The following CPXM2 variants were observed in gnomAD, a reference collection of about 807,000 sequenced individuals.
CPXM2 encodes inactive carboxypeptidase-like protein X2.
CPXM2 carries 66 observed loss-of-function variants against 86.1 expected under a neutral mutation model. The observed-to-expected ratio is 0.77, with a 90% CI of 0.63 to 0.94. The LOEUF is 0.94. CPXM2 is among the 40% of genes least tolerant of loss of function. The pLI is 0.00. For missense variants in CPXM2, 948 were observed against 1,026.3 expected (o/e 0.92, Z 1.04); for synonymous variants, 388 against 400.2 (o/e 0.97, Z 0.36).
intron 2 of CPXM2, among the ~76,000 whole-genome samples, chr10:123,920,824 A>G (rs1285081617): frequency 3.3e-5 from 5 of 152,188 alleles, no homozygotes; most frequent in Non-Finnish European, 7.3e-5. Flanking sequence ...GGTTCCTTAT[A>G]AAAGGATGAG....
chr10:123,938,834 CT>C (rs2134293918), intron 2 of CPXM2, among the ~76,000 whole-genome samples: 1 of 151,804 alleles, frequency 6.6e-6, no homozygotes, highest in East Asian at 1.9e-4. Flanking sequence ...GGAGGCAACA[CT>C]TATCTGGAAA....
At chr10:123,927,904 T>C (rs1564824457) in intron 2 of CPXM2, among the ~76,000 whole-genome samples, 1 of 152,214 alleles carries the variant, frequency 6.6e-6, no homozygotes, top group Non-Finnish European at 1.5e-5. Context: ...AACCCCCCAG[T>C]GTTGGGGGTA....
intron 13 of CPXM2, chr10:123,752,711 T>G (rs1270689351): frequency 1.9e-5 from 13 of 695,654 alleles, no homozygotes; most frequent in Non-Finnish European, 2.3e-5. Context: ...GAGCACCAGA[T>G]TTGAAGTCTC....
rs756316209 is a variant in CPXM2 at position 123,768,688 on chromosome 10, G to A, written c.1137C>T (p.His379=). The A allele has an allele frequency of 2.5e-5, 41 of 1,611,062 alleles. No homozygotes were observed. Among genetic ancestry groups the A allele is most frequent in the Middle Eastern group, 1.6e-4 (1 of 6,082 alleles). Residue 379 remains histidine, a synonymous_variant, in exon 9 of 14, where the codon CAC becomes CAT. Transcript: ENST00000241305. ...EPEFHYIAGA[H]GNEVLGRELL... ...GCTCCCGGCCCAGCACCTCATTGCC[G>A]TGGGCCCCCGCGATGTAGTGGAACT...
rs1176166641 is a variant in CPXM2, at chr10:123,796,281, C to G, written c.889+1695G>C. Among the ~76,000 whole-genome samples the G allele has an allele frequency of 4.6e-5, 7 of 152,146 alleles. No homozygotes were observed. In the East Asian group the frequency reaches 1.3e-3, roughly 29 times the overall value. On this transcript the variant is annotated intron_variant, in intron 6 of 13. Coordinates refer to ENST00000241305, the MANE Select transcript of CPXM2 (RefSeq NM_198148.3). ...TTCAGGAAATAATTGTGGACACACA[C>G]AAAAGAAGGACAGAGCAATAAGAAT...
At chr10:123,775,573 A>G (rs879681324) in intron 7 of CPXM2, among the ~76,000 whole-genome samples, 1 of 152,234 alleles carries the variant, frequency 6.6e-6, no homozygotes, top group Non-Finnish European at 1.5e-5. Context: ...TGGCATGGGA[A>G]GATGGCTGGG....
chr10:123,857,614 AGATGGAAGGCGGCGTGGAGATGGAAGGCG>A (rs1564800602), intron 3 of CPXM2, among the ~76,000 whole-genome samples: 3 of 141,126 alleles, frequency 2.1e-5, no homozygotes, highest in South Asian at 2.6e-4. Flanking sequence ...GGCGGCGTGG[AGATGGAAGGCGGCGTGGAGATGGAAGGCG>A]GCGTGGAGAT....
chr10:123,820,430 C>A (rs1170843685), intron 4 of CPXM2, among the ~76,000 whole-genome samples: 1 of 152,226 alleles, frequency 6.6e-6, no homozygotes, highest in African/African-American at 2.4e-5. Context: ...CCTAAACTCA[C>A]TGACACACAT....
At chr10:123,887,526 G>C (rs1401581603) in intron 1 of CPXM2, among the ~76,000 whole-genome samples, 1 of 152,132 alleles carries the variant, frequency 6.6e-6, no homozygotes, top group Non-Finnish European at 1.5e-5. Context: ...TTTTGATACT[G>C]TATACAACAG....
intron 2 of CPXM2, among the ~76,000 whole-genome samples, chr10:123,926,530 A>G (rs1945623004): frequency 6.6e-6 from 1 of 152,256 alleles, no homozygotes; most frequent in Non-Finnish European, 1.5e-5. Flanking sequence ...AATTCTGTCC[A>G]GGGCAGTGGT....
At chr10:123,934,459 T>C (rs1945696717) in intron 2 of CPXM2, among the ~76,000 whole-genome samples, 1 of 152,088 alleles carries the variant, frequency 6.6e-6, no homozygotes, top group Non-Finnish European at 1.5e-5. Context: ...TGTGTGTCTG[T>C]GTCTCGGTGT....
At chr10:123,893,083 C>A (rs1398790577), upstream of CPXM2, among the ~76,000 whole-genome samples, 2 of 152,234 alleles carry the variant, frequency 1.3e-5, no homozygotes, top group African/African-American at 4.8e-5. Flanking sequence ...TTAACCACAT[C>A]GGCAAAGTCC....
rs1945170380 is a variant in CPXM2, at chr10:123,885,816, G to A, written c.305-5507C>T. 6.6e-6 allele frequency among the ~76,000 whole-genome samples: 1 copy of A among 152,178 alleles called. No individual in the cohort carries two copies. The highest frequency in any genetic ancestry group is 2.4e-5 in the African/African-American group (1 of 41,448). ...TCCACCTCAAAAGTCAAGGCTCCAG[G>A]GCCAGGCTGCCATTGTCCCCACACT... On this transcript the variant is annotated intron_variant, in intron 1 of 13. Coordinates refer to ENST00000241305, the MANE Select transcript of CPXM2 (RefSeq NM_198148.3). The surrounding 1 kb of genome is among the most constrained non-coding windows in gnomAD (Gnocchi z 4.0).
intron 3 of CPXM2, among the ~76,000 whole-genome samples, chr10:123,856,188 G>A (rs956881310): frequency 1.3e-5 from 2 of 152,156 alleles, no homozygotes; most frequent in Admixed American, 6.5e-5. Context: ...AGGAATTGTG[G>A]TGACATCCTG....
chr10:123,936,479 CA>C (rs1285001889), intron 2 of CPXM2, among the ~76,000 whole-genome samples: 1 of 152,156 alleles, frequency 6.6e-6, no homozygotes, highest in Non-Finnish European at 1.5e-5. Context: ...AGACAACAGC[CA>C]CACAGAAGAG....
At chr10:123,908,809 A>G in intron 2 of CPXM2, among the ~76,000 whole-genome samples, 1 of 152,198 alleles carries the variant, frequency 6.6e-6, no homozygotes, top group Admixed American at 6.5e-5. Flanking sequence ...AAAATATTCC[A>G]TATCATGGTT....
At chr10:123,866,420 G>A (rs998263418) in intron 2 of CPXM2, among the ~76,000 whole-genome samples, 4 of 151,942 alleles carry the variant, frequency 2.6e-5, no homozygotes, top group Non-Finnish European at 5.9e-5. Flanking sequence ...CAAAAAATCA[G>A]CCAGGTGTGG....
chr10:123,915,055 G>A (rs1044040994), intron 2 of CPXM2, among the ~76,000 whole-genome samples: 6 of 152,104 alleles, frequency 3.9e-5, no homozygotes, highest in South Asian at 2.1e-4. Flanking sequence ...CTCCCCTCCC[G>A]CGGCTCCTCT....
intron 2 of CPXM2, 119 bp from the exon 3 acceptor site, chr10:123,862,842 G>A (rs2134197188): frequency 3.8e-6 from 3 of 787,120 alleles, no homozygotes; most frequent in Middle Eastern, 2.3e-4. Flanking sequence ...CCACAGGCAT[G>A]CCTGGTCTTT....
Sources: gnomAD v4.1 joint callset for allele counts (sites outside exome capture counted in the v4.1 genomes callset) on GRCh38, gnomAD v4.1.1 for gene constraint, Gnocchi (gnomAD v3.1) non-coding constraint, MANE v1.5 for transcripts, NCBI Gene and HGNC (gene_info 2026-07-23, HGNC 2026-07-21) for gene names.